MPPED2: variants seen among roughly 807,000 people sequenced by gnomAD.
The protein encoded by MPPED2 is metallophosphoesterase domain containing 2.
Under a neutral mutation model 33.0 loss-of-function variants are expected in MPPED2, and 5 were observed. That is an observed-to-expected ratio of 0.15 (90% CI 0.08 to 0.32). MPPED2 has a LOEUF of 0.32. Among genes scored for constraint, MPPED2 ranks in the 10% least tolerant of loss-of-function variants. The pLI is 1.00. For missense variants in MPPED2, 275 were observed against 372.1 expected (o/e 0.74, Z 2.15); for synonymous variants, 136 against 141.9 (o/e 0.96, Z 0.29).
chr11:30,503,143 T>A (rs999442512), intron 3 of MPPED2, among the ~76,000 whole-genome samples: 4 of 152,112 alleles, frequency 2.6e-5, no homozygotes, highest in African/African-American at 9.7e-5. Flanking sequence ...GGTCTCATGA[T>A]AGTAAGTTCT....
At chr11:30,563,892 G>A (rs1201999623) in intron 2 of MPPED2, among the ~76,000 whole-genome samples, 2 of 152,260 alleles carry the variant, frequency 1.3e-5, no homozygotes, top group East Asian at 3.9e-4. Flanking sequence ...GAATGTACAT[G>A]TCAAAATGGA....
At chr11:30,555,221 C>T (rs1444048129) in intron 2 of MPPED2, among the ~76,000 whole-genome samples, 1 of 152,214 alleles carries the variant, frequency 6.6e-6, no homozygotes, top group Non-Finnish European at 1.5e-5. Flanking sequence ...CCAAACACCA[C>T]CTCAACACTG....
intron 4 of MPPED2, among the ~76,000 whole-genome samples, chr11:30,491,518 T>C (rs931454118): frequency 2.0e-5 from 3 of 152,238 alleles, no homozygotes; most frequent in Admixed American, 6.5e-5. Flanking sequence ...TTAGTAGTAA[T>C]AGCTAACATT....
intron 4 of MPPED2, among the ~76,000 whole-genome samples, chr11:30,433,153 T>G (rs1949158464): frequency 6.6e-6 from 1 of 152,176 alleles, no homozygotes; most frequent in African/African-American, 2.4e-5. Flanking sequence ...TAAATCTGAT[T>G]TGCTGAGATT....
chr11:30,542,990 T>C (rs1369295792), intron 2 of MPPED2, among the ~76,000 whole-genome samples: 1 of 152,202 alleles, frequency 6.6e-6, no homozygotes, highest in African/African-American at 2.4e-5. Flanking sequence ...TGGAATTAGT[T>C]GTCAAAAATA....
chr11:30,480,365 C>T (rs1403287552), intron 4 of MPPED2, among the ~76,000 whole-genome samples: 4 of 151,964 alleles, frequency 2.6e-5, no homozygotes, highest in African/African-American at 9.7e-5. Flanking sequence ...ATATTAATGA[C>T]AGGACTGCAG....
intron 2 of MPPED2, among the ~76,000 whole-genome samples, chr11:30,544,173 G>C (rs765590420): frequency 1.1e-4 from 17 of 152,122 alleles, no homozygotes; most frequent in Non-Finnish European, 1.9e-4. Context: ...ATGTGCATCA[G>C]GCTAACTACC....
intron 3 of MPPED2, among the ~76,000 whole-genome samples, chr11:30,512,434 T>C (rs895812093): frequency 2.6e-5 from 4 of 152,194 alleles, no homozygotes; most frequent in African/African-American, 9.6e-5. Context: ...AAGGGAAAAC[T>C]TTGTTCAAAG....
upstream of MPPED2, among the ~76,000 whole-genome samples, chr11:30,586,510 A>G (rs906186194): frequency 6.6e-6 from 1 of 151,670 alleles, no homozygotes; most frequent in Non-Finnish European, 1.5e-5. The surrounding 1 kb of genome is among the most constrained non-coding windows in gnomAD (Gnocchi z 4.8). Context: ...CCGAAGCCCC[A>G]GGGTTTCGAG....
At chr11:30,505,964 G>C (rs1418812808) in intron 3 of MPPED2, among the ~76,000 whole-genome samples, 3 of 152,112 alleles carry the variant, frequency 2.0e-5, no homozygotes, top group African/African-American at 7.2e-5. Flanking sequence ...AGTGGGTATG[G>C]GGAATAAGTG....
chr11:30,577,989 T>C (rs1957002205), intron 2 of MPPED2, among the ~76,000 whole-genome samples: 1 of 152,150 alleles, frequency 6.6e-6, no homozygotes, highest in African/African-American at 2.4e-5. Context: ...GATAGGCAGA[T>C]AGATAGATAC....
chr11:30,565,570 A>G (rs1223720419), intron 2 of MPPED2, among the ~76,000 whole-genome samples: 1 of 152,174 alleles, frequency 6.6e-6, no homozygotes, highest in Non-Finnish European at 1.5e-5. Context: ...GTCTTCAGCC[A>G]AAGGTCATCT....
At chr11:30,495,244 C>A in intron 4 of MPPED2, 52 bp downstream of exon 4, 1 of 1,253,532 alleles carries the variant, frequency 8.0e-7, no homozygotes, top group South Asian at 1.2e-5. Flanking sequence ...GCTGTGTTTT[C>A]TTGGTACTGA....
At chr11:30,465,538 C>T (rs191699554) in intron 4 of MPPED2, among the ~76,000 whole-genome samples, 12 of 152,334 alleles carry the variant, frequency 7.9e-5, no homozygotes, top group East Asian at 7.7e-4. Flanking sequence ...ACAATCCGCT[C>T]ACCTGGGTGG....
intron 4 of MPPED2, among the ~76,000 whole-genome samples, chr11:30,438,610 C>T (rs1044901007): frequency 6.6e-6 from 1 of 152,178 alleles, no homozygotes; most frequent in Non-Finnish European, 1.5e-5. Context: ...TTTTTTAAAC[C>T]CATACATAAC....
exon 7 of MPPED2, chr11:30,388,240 C>T (rs1947726953): frequency 6.6e-6 from 1 of 152,374 alleles, no homozygotes; most frequent in South Asian, 2.1e-4. Flanking sequence ...GGCGACGCTC[C>T]ATTGAAATAT....
At chr11:30,501,560 T>C (rs909234636) in intron 3 of MPPED2, 22 of 896,744 alleles carry the variant, frequency 2.5e-5, no homozygotes, top group Non-Finnish European at 2.9e-5. Context: ...ATTTATCAAA[T>C]ACCAAAAAAT....
At chr11:30,543,134 A>C (rs909465122) in intron 2 of MPPED2, among the ~76,000 whole-genome samples, 37 of 152,234 alleles carry the variant, frequency 2.4e-4, no homozygotes, top group Non-Finnish European at 4.4e-4. Context: ...AAAAAAATGC[A>C]TATTACAGGG....
chr11:30,394,009 A>G (rs1460072303), intron 6 of MPPED2, among the ~76,000 whole-genome samples: 2 of 152,202 alleles, frequency 1.3e-5, no homozygotes, highest in Non-Finnish European at 2.9e-5. Context: ...TTTCTTCAGA[A>G]TATCATACAA....
Sources: allele counts gnomAD v4.1 joint callset (sites outside exome capture counted in the v4.1 genomes callset), GRCh38; gene constraint gnomAD v4.1.1; non-coding constraint Gnocchi (gnomAD v3.1); transcripts MANE v1.5; gene names NCBI Gene and HGNC (gene_info 2026-07-23, HGNC 2026-07-21).